The following MAL variants were observed in gnomAD, a reference collection of about 807,000 sequenced individuals.
The protein encoded by MAL is myelin and lymphocyte protein.
A neutral mutation model predicts 16.7 loss-of-function variants in MAL; 5 were observed. The observed-to-expected ratio is 0.30, with a 90% CI of 0.16 to 0.63. The LOEUF (loss-of-function observed/expected upper bound fraction) is 0.63. Among genes scored for constraint, MAL ranks in the 30% least tolerant of loss-of-function variants. The pLI is 0.82. For missense variants in MAL, 202 were observed against 195.8 expected (o/e 1.03, Z -0.19); for synonymous variants, 96 against 85.5 (o/e 1.12, Z -0.67).
At chr2:95,029,366 T>C (rs1343318717) in intron 1 of MAL, among the ~76,000 whole-genome samples, 3 of 152,254 alleles carry the variant, frequency 2.0e-5, no homozygotes, top group African/African-American at 7.2e-5. Context: ...TTGTTTTACA[T>C]GTTTTCGCAC....
chr2:95,040,087 T>C (rs1331485508), intron 1 of MAL, among the ~76,000 whole-genome samples: 1 of 152,142 alleles, frequency 6.6e-6, no homozygotes, highest in Non-Finnish European at 1.5e-5. Context: ...TTACTTGCTC[T>C]ACAGTAGCTC....
intron 1 of MAL, among the ~76,000 whole-genome samples, chr2:95,034,903 C>G (rs755789780): frequency 2.0e-5 from 3 of 152,182 alleles, no homozygotes; most frequent in Non-Finnish European, 4.4e-5. Flanking sequence ...TGCTTATTGT[C>G]TGTCTCGTGC....
In MAL at chr2:95,053,758, C is replaced by G. The variant is rs557853207; in HGVS notation, c.*303C>G. The G allele has an allele frequency of 2.7e-6, 1 of 364,664 alleles. No individual in the cohort carries two copies. The highest frequency in any genetic ancestry group is 3.9e-5 in the Admixed American group (1 of 25,412). The allele number at this position is 364,664 out of a possible 1,614,324, so 22.6% of individuals were successfully genotyped here. ...TTGTTCGGGGGTGGGAAGTGGCGACCGTGACCTGAGAAGGAAAGAAAGATC... is the reference window on the plus strand; with the variant it reads ...TTGTTCGGGGGTGGGAAGTGGCGACGGTGACCTGAGAAGGAAAGAAAGATC... On this transcript the variant is annotated 3_prime_UTR_variant, in exon 4 of 4. Coordinates refer to ENST00000309988, the MANE Select transcript of MAL (RefSeq NM_002371.4).
intron 1 of MAL, among the ~76,000 whole-genome samples, chr2:95,037,269 G>T (rs1360322155): frequency 1.3e-5 from 2 of 149,426 alleles, no homozygotes; most frequent in Admixed American, 6.7e-5. Context: ...GACTGAGTGG[G>T]TGAGTGAGTG....
chr2:95,044,733 A>G (rs564295777), intron 1 of MAL: 1 of 152,398 alleles, frequency 6.6e-6, no homozygotes, highest in Non-Finnish European at 1.5e-5. Context: ...GTAAAAGCAC[A>G]CACTGGAACA....
At chr2:95,028,357 A>C (rs1673997968) in intron 1 of MAL, among the ~76,000 whole-genome samples, 2 of 152,044 alleles carry the variant, frequency 1.3e-5, no homozygotes, top group Non-Finnish European at 1.5e-5. Flanking sequence ...AAATTAAATA[A>C]ATAGAAAGAA....
chr2:95,039,212 G>A (rs1674368198), intron 1 of MAL, among the ~76,000 whole-genome samples: 1 of 149,346 alleles, frequency 6.7e-6, no homozygotes, highest in African/African-American at 2.5e-5. Context: ...GAGTGACTGA[G>A]TGAGTGAGTG....
chr2:95,031,511 C>T (rs1232290880), intron 1 of MAL, among the ~76,000 whole-genome samples: 1 of 152,182 alleles, frequency 6.6e-6, no homozygotes, highest in Non-Finnish European at 1.5e-5. Flanking sequence ...GCCAGGCCAC[C>T]CTCTTGATAT....
intron 1 of MAL, among the ~76,000 whole-genome samples, chr2:95,037,577 T>C (rs1358819142): frequency 6.6e-6 from 1 of 150,952 alleles, no homozygotes; most frequent in East Asian, 2.0e-4. Context: ...AGTGAGTGAC[T>C]GAGTGACTGA....
intron 1 of MAL, among the ~76,000 whole-genome samples, chr2:95,030,986 A>G (rs1674064666): frequency 6.6e-6 from 1 of 152,190 alleles, no homozygotes; most frequent in Admixed American, 6.5e-5. Flanking sequence ...GGACTGGGCC[A>G]TGGGCCAGCG....
intron 1 of MAL, among the ~76,000 whole-genome samples, chr2:95,038,512 G>GTGGGTGAGTGAGTGAC (rs1674321002): frequency 6.7e-6 from 1 of 149,334 alleles, no homozygotes; most frequent in South Asian, 2.2e-4. Flanking sequence ...GAGTGAGTGA[G>GTGGGTGAGTGAGTGAC]TGGGTGAGTG....
rs372899008 is a variant in MAL, at chr2:95,051,109, G to GGAAT, written c.387+1407_387+1410dup. On this transcript the variant is annotated intron_variant, in intron 3 of 3. Coordinates refer to ENST00000309988, the MANE Select transcript of MAL (RefSeq NM_002371.4). Reference sequence around the variant, plus strand: ...CACTTGATGGAAAAACCCAGCTAGGGGAATGAACACCCCTTCCCGCTGGGC... The same window carrying GGAAT: ...CACTTGATGGAAAAACCCAGCTAGGGGAATGAATGAACACCCCTTCCCGCTGGGC... Among the ~76,000 whole-genome samples, 6 of 152,320 alleles carry GGAAT rather than the reference G, an allele frequency of 3.9e-5. No homozygotes were observed. In the East Asian group the frequency reaches 1.2e-3, roughly 29 times the overall value.
At chr2:95,037,571 AGTGACTGAGTGACTGAGTGAGTGAGTGG>A (rs1674266990) in intron 1 of MAL, among the ~76,000 whole-genome samples, 1 of 150,708 alleles carries the variant, frequency 6.6e-6, no homozygotes, top group African/African-American at 2.4e-5. Flanking sequence ...TGAGTGAGTG[AGTGACTGAGTGACTGAGTGAGTGAGTGG>A]GTGAGTAACA....
intron 1 of MAL, among the ~76,000 whole-genome samples, chr2:95,047,110 AC>A (rs762356803): frequency 1.3e-5 from 2 of 152,162 alleles, no homozygotes; most frequent in Non-Finnish European, 2.9e-5. Context: ...CCAAATAAAG[AC>A]CAAAAAGATC....
intron 1 of MAL, chr2:95,026,358 G>A (rs1478502921): frequency 1.3e-5 from 2 of 152,966 alleles, no homozygotes; most frequent in Non-Finnish European, 2.9e-5. Flanking sequence ...GGAGATGAGA[G>A]GGAGCTGAAT....
At chr2:95,035,912 G>T (rs186192265) in intron 1 of MAL, among the ~76,000 whole-genome samples, 1 of 152,018 alleles carries the variant, frequency 6.6e-6, no homozygotes, top group African/African-American at 2.4e-5. Context: ...CTCGTGATCC[G>T]CTCACCTCAG....
At chr2:95,046,769 A>G (rs1330903305) in intron 1 of MAL, among the ~76,000 whole-genome samples, 1 of 152,072 alleles carries the variant, frequency 6.6e-6, no homozygotes, top group African/African-American at 2.4e-5. Flanking sequence ...TCATCAGAAC[A>G]CTTCCTGGAC....
intron 3 of MAL, among the ~76,000 whole-genome samples, chr2:95,052,479 G>C (rs1380041984): frequency 2.0e-5 from 3 of 152,236 alleles, no homozygotes; most frequent in African/African-American, 7.2e-5. Context: ...GAGGGAAAGG[G>C]CTTGGCCAGG....
intron 3 of MAL, among the ~76,000 whole-genome samples, chr2:95,052,173 A>G (rs114424327): frequency 6.6e-6 from 1 of 152,350 alleles, no homozygotes; most frequent in African/African-American, 2.4e-5. Flanking sequence ...AGATTATACA[A>G]TGGTGGGCAG....
Sources: gnomAD v4.1 joint callset for allele counts (sites outside exome capture counted in the v4.1 genomes callset) on GRCh38, gnomAD v4.1.1 for gene constraint, MANE v1.5 for transcripts, NCBI Gene and HGNC (gene_info 2026-07-23, HGNC 2026-07-21) for gene names.